The following DNAH8 variants were observed in gnomAD, a reference collection of about 807,000 sequenced individuals.
The protein encoded by DNAH8 is axonemal beta dynein heavy chain 8.
DNAH8 carries 382 observed loss-of-function variants against 562.1 expected under a neutral mutation model. The observed-to-expected ratio is 0.68, with a 90% CI of 0.63 to 0.74. The LOEUF is 0.74. Among genes scored for constraint, DNAH8 ranks in the 30% least tolerant of loss-of-function variants. The pLI is 0.00. For missense variants in DNAH8, 5,203 were observed against 5,620.4 expected (o/e 0.93, Z 2.37); for synonymous variants, 1,881 against 1,919.4 (o/e 0.98, Z 0.52).
chr6:39,000,591 T>A (rs1765423530), intron 88 of DNAH8, among the ~76,000 whole-genome samples: 1 of 152,200 alleles, frequency 6.6e-6, no homozygotes, highest in Non-Finnish European at 1.5e-5. Context: ...GAGAATTTAA[T>A]GCCTGATGAT....
In DNAH8 at chr6:38,932,593, A is replaced by G. The variant is rs78922472; in HGVS notation, c.11457+600A>G. On this transcript the variant is annotated intron_variant, in intron 76 of 92. Coordinates refer to ENST00000327475, the MANE Select transcript of DNAH8 (RefSeq NM_001206927.2). ...TTATGCATAAAATATAATTGCATAA[A>G]ATATTTTATGTATCTGCATTATAAA... Among the ~76,000 whole-genome samples the G allele has an allele frequency of 0.012, 1,784 of 152,338 alleles. 125 individuals are homozygous for G. In the East Asian group the frequency reaches 0.18, roughly 16 times the overall value.
Position 38,783,114 on chromosome 6 carries a change from C to T in DNAH8, c.2370C>T (p.Ile790=), listed in dbSNP as rs1337744722. The change falls in exon 17 of 93, where the codon ATC becomes ATT. Residue 790 remains isoleucine, a synonymous_variant. Transcript: ENST00000327475. ...EFEVVYHTAW[I]REISQLHYAL... is the part of the protein sequence containing the mutation. Reference sequence around the variant, plus strand: ...AGGTGGTCTATCACACAGCCTGGATCAGAGAGATTTCACAGTTGCATTACG... The same window carrying T: ...AGGTGGTCTATCACACAGCCTGGATTAGAGAGATTTCACAGTTGCATTACG... 1.9e-6 allele frequency: 3 copies of T among 1,613,916 alleles called. No homozygotes were observed. The African/African-American group carries it at 4.0e-5, about 22-fold the overall frequency.
chr6:38,943,022 A>G (rs1783586055), intron 79 of DNAH8, among the ~76,000 whole-genome samples: 1 of 152,210 alleles, frequency 6.6e-6, no homozygotes, highest in Non-Finnish European at 1.5e-5. Flanking sequence ...GTGTGAGCAC[A>G]TTTGTGACCC....
intron 26 of DNAH8, among the ~76,000 whole-genome samples, chr6:38,817,389 A>G (rs1284690604): frequency 6.6e-6 from 1 of 152,192 alleles, no homozygotes; most frequent in Non-Finnish European, 1.5e-5. Flanking sequence ...GGTAAGCTAC[A>G]CAACCAGGTG....
intron 65 of DNAH8, among the ~76,000 whole-genome samples, chr6:38,910,903 C>G (rs1309971559): frequency 6.6e-6 from 1 of 152,066 alleles, no homozygotes; most frequent in Non-Finnish European, 1.5e-5. Context: ...AAAATTATGC[C>G]TTTTGTAATA....
chr6:38,973,879 A>G, intron 84 of DNAH8, 66 bp downstream of exon 84: 1 of 1,360,260 alleles, frequency 7.4e-7, no homozygotes, highest in Non-Finnish European at 1.0e-6. Context: ...GACATTGTTG[A>G]AAGATGGGAA....
rs773155985 is a variant in DNAH8, at chr6:38,873,084, G to A, written c.7416G>A (p.Thr2472=). Residue 2472 remains threonine, a synonymous_variant, in exon 51 of 93, where the codon ACG becomes ACA. Transcript: ENST00000327475. ...ATATCGAGAACGCCTCTCCTGCCAC[G>A]GTTTCTAGGATGGGCATGGTCTATA... is the stretch of plus-strand genomic sequence containing the variant. ...VHNIENASPA[T]VSRMGMVYIS... is the part of the protein sequence containing the mutation. 6.2e-7 allele frequency: 1 copy of A among 1,614,004 alleles called. No individual in the cohort carries two copies. The highest frequency in any genetic ancestry group is 1.3e-5 in the African/African-American group (1 of 75,034).
chr6:38,815,315 C>G (rs571897240), intron 25 of DNAH8, among the ~76,000 whole-genome samples, 153 bp from the exon 26 acceptor site: 1 of 152,272 alleles, frequency 6.6e-6, no homozygotes, highest in South Asian at 2.1e-4. Flanking sequence ...AATCTGCATC[C>G]TCCCCATCTT....
chr6:38,790,821 T>TAAA (rs777354870), intron 20 of DNAH8, among the ~76,000 whole-genome samples: 2 of 137,298 alleles, frequency 1.5e-5, no homozygotes. Flanking sequence ...AGACTCCGTC[T>TAAA]AAAAAAAAAA....
At chr6:38,974,809 C>A (rs1763571103) in intron 85 of DNAH8, among the ~76,000 whole-genome samples, 1 of 152,128 alleles carries the variant, frequency 6.6e-6, no homozygotes, top group Non-Finnish European at 1.5e-5. Context: ...CAACAGCACG[C>A]AGGGGATTGT....
At chr6:38,802,605 A>ATTTG (rs1770883213) in intron 21 of DNAH8, among the ~76,000 whole-genome samples, 1 of 152,208 alleles carries the variant, frequency 6.6e-6, no homozygotes, top group Non-Finnish European at 1.5e-5. Context: ...TTTTCCAACT[A>ATTTG]CTGTGTGACC....
chr6:39,013,589 C>T (rs147550408), intron 91 of DNAH8, among the ~76,000 whole-genome samples: 18 of 152,146 alleles, frequency 1.2e-4, no homozygotes, highest in African/African-American at 3.9e-4. Flanking sequence ...CGATGGCTCA[C>T]GCTTGTAATC....
intron 92 of DNAH8, among the ~76,000 whole-genome samples, chr6:39,027,954 A>G (rs539302805): frequency 7.2e-5 from 11 of 152,226 alleles, no homozygotes; most frequent in Non-Finnish European, 1.3e-4. Flanking sequence ...TCTGATTTTC[A>G]TTCCCTCATT....
At chr6:38,723,896 T>G (rs1298137305) in intron 3 of DNAH8, among the ~76,000 whole-genome samples, 1 of 151,638 alleles carries the variant, frequency 6.6e-6, no homozygotes, top group Non-Finnish European at 1.5e-5. Flanking sequence ...AAGACAAAAG[T>G]TGGAATTTTA....
chr6:38,828,114 A>G (rs1773520830), intron 29 of DNAH8, 70 bp from the exon 30 acceptor site: 1 of 947,590 alleles, frequency 1.1e-6, no homozygotes, highest in South Asian at 1.5e-5. Context: ...ATGTGTTTCT[A>G]GAAGGCGTCT....
rs1372332430 is a variant in DNAH8 at position 38,872,885 on chromosome 6, TTC to T, written c.7238-19_7238-18del. 1.9e-6 allele frequency: 3 copies of T among 1,609,294 alleles called. No individual in the cohort carries two copies. The highest frequency in any genetic ancestry group is 2.2e-5 in the East Asian group (1 of 44,794). On this transcript the variant is annotated intron_variant, in intron 50 of 92. Coordinates refer to ENST00000327475, the MANE Select transcript of DNAH8 (RefSeq NM_001206927.2). ...AATTACTTGCAAGTGAAAAGTGATT[TTC>T]TGTTTTAATTATTTTCAGGTGAAAA...
In DNAH8 at chr6:39,012,346, A is replaced by G. The variant is rs1405270118; in HGVS notation, c.13503A>G (p.Glu4501=). 1 of 1,612,884 alleles carries G rather than the reference A, an allele frequency of 6.2e-7. No individual in the cohort carries two copies. Among genetic ancestry groups the G allele is most frequent in the Non-Finnish European group, 8.5e-7 (1 of 1,179,044 alleles). ...SSLSDLKLAI[E]GTIIMSENLR... is the part of the protein sequence containing the mutation. ...TGAGTGATCTAAAATTGGCCATTGAAGGAACAATCATTATGAGTGAGGTGA... is the reference window on the plus strand; with the variant it reads ...TGAGTGATCTAAAATTGGCCATTGAGGGAACAATCATTATGAGTGAGGTGA... The change falls in exon 90 of 93, where the codon GAA becomes GAG. Residue 4501 remains glutamate (E), a synonymous_variant. Coordinates refer to ENST00000327475, the MANE Select transcript of DNAH8 (RefSeq NM_001206927.2).
intron 24 of DNAH8, among the ~76,000 whole-genome samples, chr6:38,813,850 T>C (rs1218328055): frequency 6.6e-6 from 1 of 152,206 alleles, no homozygotes; most frequent in East Asian, 1.9e-4. Flanking sequence ...GTATATGAGA[T>C]TACTATTTTA....
chr6:38,907,149 A>G (rs1035517501), intron 63 of DNAH8, among the ~76,000 whole-genome samples: 1 of 152,244 alleles, frequency 6.6e-6, no homozygotes, highest in African/African-American at 2.4e-5. Flanking sequence ...CCAGATCAGT[A>G]GAGAAAAAGA....
Sources: gnomAD v4.1 joint callset for allele counts (sites outside exome capture counted in the v4.1 genomes callset) on GRCh38, gnomAD v4.1.1 for gene constraint, MANE v1.5 for transcripts, NCBI Gene and HGNC (gene_info 2026-07-23, HGNC 2026-07-21) for gene names.